DPYS: variants seen among roughly 807,000 people sequenced by gnomAD.
The protein encoded by DPYS is dihydropyrimidinase, also known as dihydropyrimidine amidohydrolase.
DPYS carries 39 observed loss-of-function variants against 50.3 expected under a neutral mutation model. The observed-to-expected ratio is 0.78, with a 90% confidence interval of 0.60 to 1.01. The LOEUF (loss-of-function observed/expected upper bound fraction) is 1.01. Among genes scored for constraint, DPYS ranks in the 50% least tolerant of loss-of-function variants. The probability of loss-of-function intolerance (pLI) is 0.00; values close to 1 mark genes in which losing one functional copy is unlikely to be tolerated. For synonymous variants in DPYS, 245 were observed against 250.7 expected (o/e 0.98, Z 0.22); for missense variants, 659 against 680.9 (o/e 0.97, Z 0.36).
intron 4 of DPYS, among the ~76,000 whole-genome samples, chr8:104,434,623 C>A (rs973230062): frequency 1.3e-5 from 2 of 152,104 alleles, no homozygotes; most frequent in African/African-American, 4.8e-5. Context: ...AAATAAACAA[C>A]AATCAAATAT....
intron 7 of DPYS, among the ~76,000 whole-genome samples, chr8:104,395,731 T>C (rs569243356): frequency 4.1e-4 from 62 of 152,348 alleles, no homozygotes; most frequent in Non-Finnish European, 7.3e-4. Context: ...AATAGTTTTT[T>C]GATGAATATG....
At chr8:104,402,542 C>T (rs1389478981) in intron 7 of DPYS, among the ~76,000 whole-genome samples, 1 of 152,138 alleles carries the variant, frequency 6.6e-6, no homozygotes, top group African/African-American at 2.4e-5. Flanking sequence ...TGGACTTGGT[C>T]TTATAATTTT....
intron 7 of DPYS, among the ~76,000 whole-genome samples, chr8:104,405,047 G>A (rs936124507): frequency 6.6e-6 from 1 of 152,110 alleles, no homozygotes; most frequent in African/African-American, 2.4e-5. Flanking sequence ...AAAACGACAG[G>A]CAAGGACCTA....
At chr8:104,446,204 A>G (rs1813524712) in intron 3 of DPYS, among the ~76,000 whole-genome samples, 1 of 152,314 alleles carries the variant, frequency 6.6e-6, no homozygotes, top group East Asian at 1.9e-4. Context: ...GCTTGTATCA[A>G]AATATCTCAT....
chr8:104,390,803 C>G (rs1412568771), intron 8 of DPYS, among the ~76,000 whole-genome samples: 1 of 152,024 alleles, frequency 6.6e-6, no homozygotes, highest in Non-Finnish European at 1.5e-5. Flanking sequence ...CTGGCCAGTT[C>G]TCTAATTTTA....
chr8:104,393,871 T>C (rs1339882425), intron 7 of DPYS, among the ~76,000 whole-genome samples: 2 of 152,184 alleles, frequency 1.3e-5, no homozygotes, highest in Non-Finnish European at 2.9e-5. Context: ...GTAAGTTCTT[T>C]AGTGGTGATT....
chr8:104,388,830 G>A (rs1006753869), intron 8 of DPYS, among the ~76,000 whole-genome samples: 3 of 152,150 alleles, frequency 2.0e-5, no homozygotes, highest in Non-Finnish European at 1.5e-5. Flanking sequence ...AACAGTAATA[G>A]CTGCATGGTA....
At chr8:104,462,158 C>A (rs1465837784) in intron 1 of DPYS, among the ~76,000 whole-genome samples, 1 of 152,016 alleles carries the variant, frequency 6.6e-6, no homozygotes, top group Non-Finnish European at 1.5e-5. Flanking sequence ...TTAAAAAACT[C>A]TTTTTGAATT....
intron 8 of DPYS, among the ~76,000 whole-genome samples, chr8:104,389,418 CCA>C (rs1481393868): frequency 6.6e-6 from 1 of 152,192 alleles, no homozygotes; most frequent in East Asian, 1.9e-4. Flanking sequence ...GGAACCATCT[CCA>C]GACAGTTCCC....
chr8:104,441,910 G>A (rs1564105965), intron 4 of DPYS, among the ~76,000 whole-genome samples: 2 of 152,228 alleles, frequency 1.3e-5, no homozygotes, highest in African/African-American at 2.4e-5. Flanking sequence ...ATCTAATGTG[G>A]GCTGACCTTC....
In DPYS at chr8:104,424,291, T is replaced by A. The variant is rs749463169; in HGVS notation, c.1191A>T (p.Val397=). 1 of 1,614,178 alleles carries A rather than the reference T, an allele frequency of 6.2e-7. No individual in the cohort carries two copies. Among genetic ancestry groups the A allele is most frequent in the Middle Eastern group, 1.7e-4 (1 of 6,060 alleles). Residue 397 remains valine (V), a synonymous_variant, in exon 7 of 10, where the codon GTA becomes GTT. Transcript: ENST00000351513. ...AAATAACAATGTCAGCATCTGATCC[T>A]ACAGCTATTCTTCCTTTTCTTGGAT... ...NLYPRKGRIA[V]GSDADIVIWD...
intron 8 of DPYS, among the ~76,000 whole-genome samples, chr8:104,388,533 G>C (rs1811286019): frequency 6.6e-6 from 1 of 152,124 alleles, no homozygotes; most frequent in African/African-American, 2.4e-5. Flanking sequence ...ATGTAGTTTT[G>C]CTCAGTCAGG....
At chr8:104,412,796 CT>C (rs1812230149) in intron 7 of DPYS, among the ~76,000 whole-genome samples, 1 of 152,216 alleles carries the variant, frequency 6.6e-6, no homozygotes, top group African/African-American at 2.4e-5. Flanking sequence ...AAAGCCACCA[CT>C]TCTCTGCTGG....
chr8:104,405,684 T>G (rs1000278645), intron 7 of DPYS, among the ~76,000 whole-genome samples: 2 of 152,230 alleles, frequency 1.3e-5, no homozygotes, highest in East Asian at 3.9e-4. Flanking sequence ...CTGGCGCTAA[T>G]GTAGTCACTG....
Position 104,428,139 on chromosome 8 carries a change from C to A in DPYS, c.951-18G>T. The stretch of plus-strand genomic sequence containing the variant: ...GATCATCACTGTAAAAGAAAAAACA[C>A]GAGAGTGATGGGGTGAGTATACAGA... On this transcript the variant is annotated intron_variant, in intron 5 of 9. Coordinates refer to ENST00000351513, the MANE Select transcript of DPYS (RefSeq NM_001385.3). 1 of 1,614,102 alleles carries A rather than the reference C, an allele frequency of 6.2e-7. No homozygotes were observed.
intron 7 of DPYS, chr8:104,419,549 A>C (rs1030272525): frequency 1.3e-5 from 2 of 152,288 alleles, no homozygotes; most frequent in Non-Finnish European, 2.9e-5. Flanking sequence ...GACCTCAGCC[A>C]GTTCATCCAG....
intron 4 of DPYS, among the ~76,000 whole-genome samples, chr8:104,434,812 G>A (rs1163724029): frequency 1.3e-5 from 2 of 152,128 alleles, no homozygotes; most frequent in East Asian, 3.9e-4. Context: ...ACGTTCAAAT[G>A]AGCATCATAT....
intron 1 of DPYS, among the ~76,000 whole-genome samples, chr8:104,454,922 C>T (rs538682266): frequency 2.4e-4 from 37 of 152,190 alleles, no homozygotes; most frequent in Non-Finnish European, 4.9e-4. Flanking sequence ...TTTTTGTGCA[C>T]CATGATGCTC....
intron 7 of DPYS, among the ~76,000 whole-genome samples, chr8:104,413,389 A>G (rs1369658314): frequency 6.6e-6 from 1 of 151,948 alleles, no homozygotes; most frequent in Admixed American, 6.6e-5. Flanking sequence ...TAGTAAATAG[A>G]AAGAAATGCA....
Sources: gnomAD v4.1 joint callset for allele counts (sites outside exome capture counted in the v4.1 genomes callset) on GRCh38, gnomAD v4.1.1 for gene constraint, MANE v1.5 for transcripts, NCBI Gene and HGNC (gene_info 2026-07-23, HGNC 2026-07-21) for gene names.